The following IL1RAPL2 variants were observed in gnomAD, a reference collection of about 807,000 sequenced individuals.
The protein encoded by IL1RAPL2 is interleukin 1 receptor accessory protein like 2, also known as X-linked interleukin-1 receptor accessory protein-like 2.
Under a neutral mutation model 44.1 loss-of-function variants are expected in IL1RAPL2, and 3 were observed. The observed-to-expected ratio is 0.07, with a 90% confidence interval of 0.03 to 0.18. The LOEUF is 0.18. IL1RAPL2 is among the 10% of genes least tolerant of loss of function. IL1RAPL2 has a pLI of 1.00. For missense variants in IL1RAPL2, 391 were observed against 496.4 expected, an observed-to-expected ratio of 0.79 and a Z score of 2.02; for synonymous variants, 181 against 178.8, an observed-to-expected ratio of 1.01 and a Z score of -0.10.
chrX:105,188,228 C>T (rs1234728138), intron 2 of IL1RAPL2, among the ~76,000 whole-genome samples: 3 of 110,714 alleles, frequency 2.7e-5, no homozygotes, highest in Admixed American at 1.9e-4. Flanking sequence ...TGACTGTGGA[C>T]ATGAGAGGTG....
At chrX:105,049,360 G>A (rs191641276) in intron 2 of IL1RAPL2, among the ~76,000 whole-genome samples, 1 of 111,502 alleles carries the variant, frequency 9.0e-6, no homozygotes, top group East Asian at 2.8e-4. Context: ...GAAACATATA[G>A]CAACATTCGT....
At chrX:104,806,355 T>C (rs948983309) in intron 2 of IL1RAPL2, among the ~76,000 whole-genome samples, 3 of 112,451 alleles carry the variant, frequency 2.7e-5, no homozygotes, top group African/African-American at 9.7e-5. Context: ...GCAATTGCAT[T>C]TGGAAACAGT....
chrX:105,470,436 G>A (rs2036158748), intron 5 of IL1RAPL2, among the ~76,000 whole-genome samples: 1 of 111,945 alleles, frequency 8.9e-6, no homozygotes, highest in African/African-American at 3.2e-5. Flanking sequence ...AACCAAATGG[G>A]TAGTAAGTTG....
intron 6 of IL1RAPL2, among the ~76,000 whole-genome samples, chrX:105,547,417 C>A (rs747132783): frequency 8.9e-6 from 1 of 112,224 alleles, no homozygotes; most frequent in African/African-American, 3.2e-5. Context: ...TACTAGAAGA[C>A]CCACTACAGC....
chrX:104,647,441 TCTTTGG>T (rs1930063019), intron 1 of IL1RAPL2: 1 of 609,484 alleles, frequency 1.6e-6, no homozygotes, highest in African/African-American at 2.2e-5. Context: ...CTGATCCACC[TCTTTGG>T]CTTCCACTGC....
At chrX:104,881,318 AT>A (rs1373397984) in intron 2 of IL1RAPL2, among the ~76,000 whole-genome samples, 1 of 111,767 alleles carries the variant, frequency 8.9e-6, no homozygotes, top group East Asian at 2.8e-4. Context: ...GCTGAATTTA[AT>A]TCAGTAAAAG....
intron 2 of IL1RAPL2, among the ~76,000 whole-genome samples, chrX:104,809,334 G>C (rs980654204): frequency 2.7e-5 from 3 of 111,541 alleles, no homozygotes; most frequent in African/African-American, 9.8e-5. Flanking sequence ...CTAGTTTACA[G>C]TCCCACCAAC....
chrX:105,202,509 G>A (rs1303632172), intron 3 of IL1RAPL2, among the ~76,000 whole-genome samples: 6 of 112,033 alleles, frequency 5.4e-5, no homozygotes, highest in Non-Finnish European at 1.1e-4. Context: ...GGAAGTTGTA[G>A]CAATCCCCTC....
intron 6 of IL1RAPL2, among the ~76,000 whole-genome samples, chrX:105,491,255 C>T (rs2036315897): frequency 1.8e-5 from 2 of 109,868 alleles, no homozygotes; most frequent in South Asian, 3.9e-4. Context: ...GGCACATATA[C>T]ACCATGGAAT....
Position 105,243,369 on chromosome X carries a change from A to G in IL1RAPL2, c.543+9365A>G, listed in dbSNP as rs782497942. Among the ~76,000 whole-genome samples, 44 of 109,082 alleles carry G rather than the reference A, an allele frequency of 4.0e-4. No individual in the cohort carries two copies. In the East Asian group the frequency reaches 0.012, roughly 29 times the overall value. 94.7% of individuals were successfully genotyped at this position (109,082 alleles called of 115,157 possible). A position where few individuals can be genotyped will look rare whatever the true frequency, so the allele number is the denominator to read the frequency against. On this transcript the variant is annotated intron_variant, in intron 4 of 10. Coordinates refer to ENST00000372582, the MANE Select transcript of IL1RAPL2 (RefSeq NM_017416.2). Reference sequence around the variant, plus strand: ...CCCCTTCATCTTCTGCCGTGATTATAAGTTTCCTGGGGCCTCCCCAGCCAT... The same window carrying G: ...CCCCTTCATCTTCTGCCGTGATTATGAGTTTCCTGGGGCCTCCCCAGCCAT...
At chrX:105,082,139 G>T (rs2032417504) in intron 2 of IL1RAPL2, among the ~76,000 whole-genome samples, 1 of 111,231 alleles carries the variant, frequency 9.0e-6, no homozygotes, top group African/African-American at 3.3e-5. Context: ...ATTAATTACT[G>T]CCTCAATTTC....
intron 2 of IL1RAPL2, among the ~76,000 whole-genome samples, chrX:104,670,846 C>G (rs1046567111): frequency 9.0e-6 from 1 of 111,348 alleles, no homozygotes; most frequent in South Asian, 3.7e-4. Flanking sequence ...GGTGTTTTTA[C>G]TTGTTTGCTT....
At chrX:105,756,073 A>G (rs770708855) in intron 10 of IL1RAPL2, among the ~76,000 whole-genome samples, 347 of 111,976 alleles carry the variant, frequency 3.1e-3, no homozygotes, top group Non-Finnish European at 4.7e-3. Flanking sequence ...AGAGCTTAAA[A>G]TGCCATTGAG....
chrX:105,198,162 G>A (rs2147613590), intron 3 of IL1RAPL2, among the ~76,000 whole-genome samples: 1 of 111,703 alleles, frequency 9.0e-6, no homozygotes, highest in African/African-American at 3.2e-5. Context: ...TGGGCATTTA[G>A]GTTAATTCCA....
At chrX:105,303,814 T>C (rs1569421039) in intron 5 of IL1RAPL2, among the ~76,000 whole-genome samples, 1 of 112,065 alleles carries the variant, frequency 8.9e-6, no homozygotes, top group South Asian at 3.7e-4. Flanking sequence ...ACAGGGCCCT[T>C]CCTATAGGTT....
intron 6 of IL1RAPL2, among the ~76,000 whole-genome samples, chrX:105,515,820 A>G (rs1260560264): frequency 8.9e-6 from 1 of 112,138 alleles, no homozygotes; most frequent in Admixed American, 9.5e-5. Flanking sequence ...ATCCCTTGAC[A>G]TCTGCTTTGT....
intron 5 of IL1RAPL2, among the ~76,000 whole-genome samples, chrX:105,389,014 T>G (rs1268361372): frequency 1.8e-5 from 2 of 111,919 alleles, no homozygotes; most frequent in Non-Finnish European, 3.8e-5. Flanking sequence ...AATTGTAATG[T>G]ATTTTTTAAA....
chrX:105,118,676 C>T (rs1286717911), intron 2 of IL1RAPL2, among the ~76,000 whole-genome samples: 1 of 112,251 alleles, frequency 8.9e-6, no homozygotes, highest in Admixed American at 9.4e-5. Flanking sequence ...TGTTGTTCTT[C>T]TGAAATGTAT....
intron 1 of IL1RAPL2, among the ~76,000 whole-genome samples, chrX:104,645,260 T>C (rs770435059): frequency 1.8e-4 from 20 of 111,658 alleles, no homozygotes; most frequent in African/African-American, 6.5e-4. Context: ...TTTATACCAA[T>C]TCTGTTTCCT....
Sources: gnomAD v4.1 joint callset for allele counts (sites outside exome capture counted in the v4.1 genomes callset) on GRCh38, gnomAD v4.1.1 for gene constraint, MANE v1.5 for transcripts, NCBI Gene and HGNC (gene_info 2026-07-23, HGNC 2026-07-21) for gene names.